The following LARP4 variants were observed in gnomAD, a reference collection of about 807,000 sequenced individuals.
LARP4 encodes the protein la-related protein 4.
In LARP4, 29 loss-of-function variants were observed where a neutral mutation model predicts 92.9. The observed-to-expected ratio is 0.31, with a 90% CI of 0.23 to 0.43. The LOEUF (loss-of-function observed/expected upper bound fraction) is 0.43, where lower values mean the gene tolerates loss of function less well. Ranked by LOEUF, LARP4 falls within the 20% of genes least tolerant of loss-of-function variation. The pLI, the probability that LARP4 is intolerant of heterozygous loss-of-function variation, is 1.00. For missense variants in LARP4, 732 were observed against 860.0 expected (o/e 0.85, Z 1.86); for synonymous variants, 279 against 284.1 (o/e 0.98, Z 0.18).
chr12:50,457,608 G>A (rs549775685), intron 10 of LARP4, among the ~76,000 whole-genome samples: 46 of 152,204 alleles, frequency 3.0e-4, no homozygotes, highest in Admixed American at 5.9e-4. Flanking sequence ...GATCTCATGA[G>A]TTGGAGACCA....
At chr12:50,465,107 C>T (rs1197932838) in intron 12 of LARP4, among the ~76,000 whole-genome samples, 1 of 152,068 alleles carries the variant, frequency 6.6e-6, no homozygotes, top group Non-Finnish European at 1.5e-5. Context: ...CGTGGTGTCT[C>T]ACGCCTGTAA....
At chr12:50,422,126 C>T (rs1308094456) in intron 1 of LARP4, among the ~76,000 whole-genome samples, 2 of 151,964 alleles carry the variant, frequency 1.3e-5, no homozygotes, top group African/African-American at 2.4e-5. Context: ...TCCACCCCCA[C>T]GACTGGCTAA....
chr12:50,432,548 C>A (rs530142312), intron 4 of LARP4, among the ~76,000 whole-genome samples: 26 of 152,190 alleles, frequency 1.7e-4, no homozygotes, highest in African/African-American at 5.8e-4. Flanking sequence ...ACTTCCTACC[C>A]CATACTGCTT....
At chr12:50,475,125 A>C (rs1957403121) in intron 15 of LARP4, among the ~76,000 whole-genome samples, 1 of 152,136 alleles carries the variant, frequency 6.6e-6, no homozygotes, top group Admixed American at 6.6e-5. Context: ...ACTTTTAATG[A>C]GTCTTTTTAT....
intron 1 of LARP4, 150 bp downstream of exon 1, chr12:50,401,178 A>G (rs531002458): frequency 5.2e-5 from 43 of 823,920 alleles, no homozygotes; most frequent in Non-Finnish European, 5.6e-5. Context: ...GCAGGCCTGC[A>G]GCTTCCCTCT....
intron 13 of LARP4, among the ~76,000 whole-genome samples, chr12:50,468,469 T>G (rs1565746561): frequency 6.6e-6 from 1 of 151,468 alleles, no homozygotes; most frequent in Admixed American, 6.6e-5. Context: ...AATTTTTTTT[T>G]TGTATTTTTA....
rs1957659627 is a variant in LARP4, at chr12:50,478,139, G to A, written c.*2275G>A. ...GTTGTAATTGAAATACAAGAAAAGA[G>A]CCTTCTTTTAGAAGAAAGCAAGTAT... On this transcript the variant is annotated 3_prime_UTR_variant, in exon 16 of 16. Transcript: ENST00000398473. The A allele has an allele frequency of 6.6e-6, 1 of 152,348 alleles. No homozygotes were observed. The allele number at this position is 152,348 out of a possible 1,614,324, so 9.4% of individuals were successfully genotyped here. A position where few individuals can be genotyped will look rare whatever the true frequency, so the allele number is the denominator to read the frequency against.
chr12:50,430,618 C>A, intron 4 of LARP4, 48 bp downstream of exon 4: 2 of 1,126,820 alleles, frequency 1.8e-6, no homozygotes, highest in Non-Finnish European at 2.6e-6. Context: ...ATGTAAAATA[C>A]GTGTGAAATA....
intron 12 of LARP4, among the ~76,000 whole-genome samples, chr12:50,463,865 C>T (rs1485550970): frequency 6.6e-6 from 1 of 152,116 alleles, no homozygotes; most frequent in African/African-American, 2.4e-5. Flanking sequence ...CTGCACTGCC[C>T]TAGTAGAAGT....
At chr12:50,420,145 A>T (rs1425803932) in intron 1 of LARP4, among the ~76,000 whole-genome samples, 1 of 152,198 alleles carries the variant, frequency 6.6e-6, no homozygotes, top group African/African-American at 2.4e-5. Flanking sequence ...GAAACAAAAA[A>T]GTTGATCAGA....
intron 4 of LARP4, among the ~76,000 whole-genome samples, chr12:50,434,905 G>T (rs998097190): frequency 1.3e-5 from 2 of 152,068 alleles, no homozygotes; most frequent in Non-Finnish European, 2.9e-5. Flanking sequence ...AAAATTAGCC[G>T]AGCGTGATGG....
rs1593277748 is a variant in LARP4 at position 50,454,378 on chromosome 12, C to G, written c.1082C>G (p.Ala361Gly). The G allele has an allele frequency of 1.2e-6, 2 of 1,613,238 alleles. No homozygotes were observed. The highest frequency in any genetic ancestry group is 1.7e-6 in the Non-Finnish European group (2 of 1,179,634). ...FNSPGSYKTN[A>G]AAMNMGRPFQ... ...TCGCCAGGATCTTATAAAACAAATGCTGCTGCTATGAATATGGGTCGACCA... is the reference window on the plus strand; with the variant it reads ...TCGCCAGGATCTTATAAAACAAATGGTGCTGCTATGAATATGGGTCGACCA... The change falls in exon 10 of 16, where the codon GCT becomes GGT. Residue 361 changes from alanine to glycine, a missense_variant. Ala to Gly is a moderately conservative substitution (Grantham distance 60). Around this residue, in one of 7 missense-constraint regions of LARP4, gnomAD observed 264 missense variants for 269.5 expected, o/e 0.98. Transcript: ENST00000398473.
chr12:50,454,603 G>A, intron 10 of LARP4, 186 bp downstream of exon 10: 1 of 430,710 alleles, frequency 2.3e-6, no homozygotes, highest in Non-Finnish European at 4.1e-6. Flanking sequence ...CCTTTGAGTT[G>A]GTAATGCATG....
At chr12:50,421,223 A>G in intron 1 of LARP4, 1 of 963,248 alleles carries the variant, frequency 1.0e-6, no homozygotes, top group Non-Finnish European at 1.2e-6. Context: ...TGCTTTGATT[A>G]CAGGCGTGAG....
intron 1 of LARP4, among the ~76,000 whole-genome samples, chr12:50,426,325 A>G (rs1352730118): frequency 6.6e-6 from 1 of 152,174 alleles, no homozygotes; most frequent in Non-Finnish European, 1.5e-5. Flanking sequence ...GGGCGTACAT[A>G]TGAATAGCAA....
intron 1 of LARP4, among the ~76,000 whole-genome samples, chr12:50,419,687 G>T (rs571414254): frequency 1.3e-5 from 2 of 152,044 alleles, no homozygotes; most frequent in African/African-American, 4.8e-5. Flanking sequence ...TGAGATGATC[G>T]TTTGAGGCCA....
chr12:50,448,563 T>C (rs1952601192), intron 8 of LARP4, among the ~76,000 whole-genome samples: 1 of 152,112 alleles, frequency 6.6e-6, no homozygotes, highest in Non-Finnish European at 1.5e-5. Context: ...GTCTTGCTCT[T>C]ATGCCCAGGC....
chr12:50,468,216 G>A (rs184899370), intron 13 of LARP4, among the ~76,000 whole-genome samples: 1 of 151,990 alleles, frequency 6.6e-6, no homozygotes, highest in Non-Finnish European at 1.5e-5. Flanking sequence ...CTGACCTTGC[G>A]ATCCGCCCAC....
intron 8 of LARP4, among the ~76,000 whole-genome samples, chr12:50,447,073 A>T (rs1032773283): frequency 5.3e-5 from 8 of 152,116 alleles, no homozygotes; most frequent in African/African-American, 1.9e-4. Context: ...TTCTAATCTA[A>T]CCTTCTTATA....
Sources: allele counts gnomAD v4.1 joint callset (sites outside exome capture counted in the v4.1 genomes callset), GRCh38; gene constraint gnomAD v4.1.1; regional missense constraint gnomAD v4.1.1; transcripts MANE v1.5; gene names NCBI Gene and HGNC (gene_info 2026-07-23, HGNC 2026-07-21).